Variants in TMEM108 observed in about 807,000 individuals in gnomAD.
The protein encoded by TMEM108 is transmembrane protein 108, also known as cancer/testis antigen 124.
TMEM108 carries 12 observed loss-of-function variants against 35.1 expected under a neutral mutation model. The ratio of observed to expected loss-of-function variants is 0.34; its 90% CI spans 0.22 to 0.55. The LOEUF (loss-of-function observed/expected upper bound fraction) is 0.55. Ranked by LOEUF, TMEM108 falls within the 20% of genes least tolerant of loss-of-function variation. The pLI is 0.89. For missense variants in TMEM108, 680 were observed against 753.3 expected, an observed-to-expected ratio of 0.90 and a Z score of 1.14; for synonymous variants, 287 against 308.6, an observed-to-expected ratio of 0.93 and a Z score of 0.73.
chr3:133,266,097 A>T (rs79141757), intron 3 of TMEM108, among the ~76,000 whole-genome samples: 1,910 of 152,006 alleles, frequency 0.013, 16 homozygotes, highest in South Asian at 0.024. Flanking sequence ...GCTCTTAAAA[A>T]ATTAGTTCAC....
intron 2 of TMEM108, among the ~76,000 whole-genome samples, chr3:133,138,827 A>G (rs1458188360): frequency 6.6e-6 from 1 of 151,770 alleles, no homozygotes; most frequent in Non-Finnish European, 1.5e-5. Flanking sequence ...GGTTTGTTAC[A>G]TAGGTATACA....
At position 133,397,531 on chromosome 3, in the gene TMEM108, T is replaced by G. The variant is rs1173679141; in HGVS notation, c.*1545T>G. The G allele has an allele frequency of 6.6e-6, 1 of 152,228 alleles. No homozygotes were observed. The highest frequency in any genetic ancestry group is 1.5e-5 in the Non-Finnish European group (1 of 68,040). 9.4% of individuals were successfully genotyped at this position (152,228 alleles called of 1,614,324 possible). A position where few individuals can be genotyped will look rare whatever the true frequency, so the allele number is the denominator to read the frequency against. ...AAATGTTTCTCTAAGTTTAATTTTC[T>G]AGCGTGTTGTTGTCTTACCTTTTTA... is the stretch of plus-strand genomic sequence containing the variant. On this transcript the variant is annotated 3_prime_UTR_variant, in exon 6 of 6. Coordinates refer to ENST00000321871, the MANE Select transcript of TMEM108 (RefSeq NM_023943.4).
intron 2 of TMEM108, among the ~76,000 whole-genome samples, chr3:133,091,284 C>T (rs1251280248): frequency 6.6e-6 from 1 of 152,070 alleles, no homozygotes; most frequent in Non-Finnish European, 1.5e-5. Flanking sequence ...ACTCTAGATC[C>T]TCTTTACAGG....
At chr3:133,134,774 A>T (rs1055624675) in intron 2 of TMEM108, among the ~76,000 whole-genome samples, 4 of 151,728 alleles carry the variant, frequency 2.6e-5, no homozygotes, top group South Asian at 2.1e-4. Context: ...CCTCACCCCC[A>T]TCCCAACCTC....
At position 133,394,056 on chromosome 3, in the gene TMEM108, T is replaced by C. The variant is rs547925427; in HGVS notation, c.1606-1808T>C. On this transcript the variant is annotated intron_variant, in intron 5 of 5. Transcript: ENST00000321871. The stretch of plus-strand genomic sequence containing the variant: ...TCCTCTTGTTCTGCTTTATTTAGAG[T>C]AATATTACAATTTGTTCCAATTCTC... 2.0e-5 allele frequency among the ~76,000 whole-genome samples: 3 copies of C among 152,284 alleles called. No homozygotes were observed. In the East Asian group the frequency reaches 5.8e-4, roughly 29 times the overall value.
Position 133,390,037 on chromosome 3 carries a change from A to G in TMEM108, c.1451-143A>G, listed in dbSNP as rs1040326969. The G allele has an allele frequency of 7.6e-5, 75 of 984,552 alleles. 1 individual carries two copies. The Admixed American group carries it at 1.6e-3, about 21-fold the overall frequency. The allele number at this position is 984,552 out of a possible 1,614,324, so 61.0% of individuals were successfully genotyped here. On this transcript the variant is annotated intron_variant, in intron 4 of 5. Coordinates refer to ENST00000321871, the MANE Select transcript of TMEM108 (RefSeq NM_023943.4). The stretch of plus-strand genomic sequence containing the variant: ...AAGGTCTTCTGTGGAATTAAGGCTC[A>G]CTTTGTACAGTTCACCATGCCCTGC...
At chr3:133,064,418 T>A (rs1402430100) in intron 2 of TMEM108, among the ~76,000 whole-genome samples, 1 of 152,244 alleles carries the variant, frequency 6.6e-6, no homozygotes. Flanking sequence ...AATATCTTTA[T>A]TCTTTATGTC....
chr3:133,179,055 A>G (rs1163971072), intron 2 of TMEM108, among the ~76,000 whole-genome samples: 1 of 152,202 alleles, frequency 6.6e-6, no homozygotes, highest in Admixed American at 6.5e-5. Context: ...ACATGAAAAA[A>G]TGCTCATCAT....
chr3:133,091,076 A>G (rs1456989965), intron 2 of TMEM108, among the ~76,000 whole-genome samples: 6 of 152,204 alleles, frequency 3.9e-5, no homozygotes, highest in Non-Finnish European at 7.4e-5. Context: ...GCTGATTCCA[A>G]TTTGTAATTC....
intron 2 of TMEM108, among the ~76,000 whole-genome samples, chr3:133,163,473 T>A (rs1944990742): frequency 6.6e-6 from 1 of 152,084 alleles, no homozygotes; most frequent in South Asian, 2.1e-4. Flanking sequence ...GAGGGTGTAA[T>A]GAGGACAGCA....
intron 3 of TMEM108, among the ~76,000 whole-genome samples, chr3:133,249,237 C>T (rs1292288190): frequency 1.3e-5 from 2 of 152,184 alleles, no homozygotes; most frequent in Non-Finnish European, 1.5e-5. Context: ...AATGGGACAG[C>T]CCCACTGTGT....
intron 3 of TMEM108, among the ~76,000 whole-genome samples, chr3:133,272,209 G>T (rs1263616013): frequency 6.6e-6 from 1 of 151,854 alleles, no homozygotes; most frequent in Admixed American, 6.6e-5. Context: ...TTAGGGTAAT[G>T]GGGCGGAGGG....
chr3:133,387,161 G>A, intron 4 of TMEM108: 2 of 985,444 alleles, frequency 2.0e-6, no homozygotes, highest in Non-Finnish European at 1.2e-6. Flanking sequence ...AGGATGTTGG[G>A]AGAACAAGAA....
rs77976469 is a variant in TMEM108, at chr3:133,271,074, G to A, written c.40+41723G>A. Among the ~76,000 whole-genome samples the A allele has an allele frequency of 7.8e-3, 1,184 of 152,248 alleles. 19 individuals are homozygous for A. The highest frequency in any genetic ancestry group is 0.027 in the African/African-American group (1,117 of 41,540). On this transcript the variant is annotated intron_variant, in intron 3 of 5. Coordinates refer to ENST00000321871, the MANE Select transcript of TMEM108 (RefSeq NM_023943.4). ...TTACCTCAAATGAACACGCTACCCT[G>A]CTTTCAATCCACAAACTCTACCCCA...
intron 3 of TMEM108, among the ~76,000 whole-genome samples, chr3:133,229,893 G>GA (rs1211687337): frequency 6.6e-6 from 1 of 152,216 alleles, no homozygotes; most frequent in Non-Finnish European, 1.5e-5. Flanking sequence ...GTGGAATAAA[G>GA]AGTGTTCAAT....
At chr3:133,088,286 C>T (rs531777349) in intron 2 of TMEM108, among the ~76,000 whole-genome samples, 53 of 152,192 alleles carry the variant, frequency 3.5e-4, no homozygotes, top group Admixed American at 2.6e-3. Flanking sequence ...GGTGGCAGAA[C>T]ATGAAGGTGT....
chr3:133,082,115 T>C (rs1943819096), intron 2 of TMEM108, among the ~76,000 whole-genome samples: 1 of 152,200 alleles, frequency 6.6e-6, no homozygotes, highest in South Asian at 2.1e-4. Flanking sequence ...GCAGTCTGCT[T>C]TGTGCTCTCT....
intron 4 of TMEM108, among the ~76,000 whole-genome samples, chr3:133,382,653 C>T (rs1026549030): frequency 6.6e-6 from 1 of 152,246 alleles, no homozygotes. Context: ...TAGGCTTGCC[C>T]TGATCTCAAG....
At chr3:133,184,423 C>T (rs1341071690) in intron 2 of TMEM108, among the ~76,000 whole-genome samples, 1 of 152,148 alleles carries the variant, frequency 6.6e-6, no homozygotes, top group African/African-American at 2.4e-5. Flanking sequence ...AATGTATCAG[C>T]TACATTTCTA....
Sources: allele counts gnomAD v4.1 joint callset (sites outside exome capture counted in the v4.1 genomes callset), GRCh38; gene constraint gnomAD v4.1.1; transcripts MANE v1.5; gene names NCBI Gene and HGNC (gene_info 2026-07-23, HGNC 2026-07-21).